The following CORO2A variants were observed in gnomAD, a reference collection of about 807,000 sequenced individuals.
CORO2A encodes the protein coronin-2A.
In CORO2A, 47 loss-of-function variants were observed where a neutral mutation model predicts 62.4. The ratio of observed to expected loss-of-function variants is 0.75; its 90% CI spans 0.60 to 0.96. CORO2A has a LOEUF of 0.96. Among genes scored for constraint, CORO2A ranks in the 40% least tolerant of loss-of-function variants. CORO2A has a pLI of 0.00. For missense variants in CORO2A, 610 were observed against 684.1 expected (o/e 0.89, Z 1.21); for synonymous variants, 273 against 268.9 (o/e 1.02, Z -0.15).
intron 6 of CORO2A, 45 bp from the exon 7 acceptor site, chr9:98,131,104 G>T (rs1827401460): frequency 1.5e-6 from 2 of 1,309,788 alleles, no homozygotes; most frequent in Non-Finnish European, 2.2e-6. Flanking sequence ...CACTCCTGGG[G>T]GCCCTCAGTG....
chr9:98,154,117 G>T (rs1252372684), intron 2 of CORO2A, among the ~76,000 whole-genome samples: 1 of 151,624 alleles, frequency 6.6e-6, no homozygotes, highest in Admixed American at 6.6e-5. Context: ...CTTCATGAGT[G>T]AGATTGATCA....
intron 1 of CORO2A, among the ~76,000 whole-genome samples, chr9:98,180,153 C>T (rs536530415): frequency 8.6e-4 from 131 of 152,336 alleles, no homozygotes; most frequent in Non-Finnish European, 1.6e-3. Context: ...ACCTACCTCC[C>T]TGCCCTTGGC....
intron 1 of CORO2A, among the ~76,000 whole-genome samples, chr9:98,185,863 C>A (rs1195718047): frequency 6.6e-6 from 1 of 152,246 alleles, no homozygotes; most frequent in Non-Finnish European, 1.5e-5. Context: ...GGCTGCATCC[C>A]TGGCAGCAGG....
chr9:98,162,707 T>C (rs1827902799), intron 1 of CORO2A, among the ~76,000 whole-genome samples: 1 of 152,206 alleles, frequency 6.6e-6, no homozygotes, highest in Non-Finnish European at 1.5e-5. Context: ...CTGTGTCGTT[T>C]TGTGGGTGTG....
chr9:98,146,773 G>A (rs553682968), intron 2 of CORO2A, among the ~76,000 whole-genome samples: 1 of 152,332 alleles, frequency 6.6e-6, no homozygotes, highest in East Asian at 1.9e-4. Context: ...GGTCCTCTGG[G>A]AAGTCATCTT....
At chr9:98,133,556 A>G (rs1391224083) in intron 4 of CORO2A, among the ~76,000 whole-genome samples, 2 of 152,182 alleles carry the variant, frequency 1.3e-5, no homozygotes, top group East Asian at 3.9e-4. Flanking sequence ...ACAGGGCTGT[A>G]TGTTTAGCTG....
chr9:98,134,097 G>A (rs7038728), intron 4 of CORO2A, among the ~76,000 whole-genome samples: 3,602 of 152,208 alleles, frequency 0.024, 148 homozygotes, highest in African/African-American at 0.081. Flanking sequence ...AGGTGTCTCT[G>A]TAAACCCCTA....
chr9:98,186,714 C>T (rs902962918), intron 1 of CORO2A, among the ~76,000 whole-genome samples: 2 of 152,078 alleles, frequency 1.3e-5, no homozygotes, highest in African/African-American at 4.8e-5. Context: ...AGTATGTACC[C>T]TATAGGTTGT....
chr9:98,161,010 T>C (rs1827878000), intron 1 of CORO2A, among the ~76,000 whole-genome samples: 1 of 152,198 alleles, frequency 6.6e-6, no homozygotes, highest in African/African-American at 2.4e-5. Flanking sequence ...GAACCATGTG[T>C]AGCAGAGCAC....
chr9:98,144,518 G>A (rs1827616503), intron 2 of CORO2A, among the ~76,000 whole-genome samples: 1 of 152,172 alleles, frequency 6.6e-6, no homozygotes, highest in South Asian at 2.1e-4. Flanking sequence ...GCAGGTGATG[G>A]CAGAGATGCG....
At chr9:98,152,301 T>C (rs1315475505) in intron 2 of CORO2A, among the ~76,000 whole-genome samples, 1 of 152,064 alleles carries the variant, frequency 6.6e-6, no homozygotes, top group Non-Finnish European at 1.5e-5. Context: ...TTTATTTTAT[T>C]TATTTTGAGA....
intron 2 of CORO2A, among the ~76,000 whole-genome samples, chr9:98,155,232 A>G (rs998090521): frequency 7.3e-5 from 11 of 151,640 alleles, no homozygotes; most frequent in Admixed American, 2.0e-4. Flanking sequence ...TTTTCGGTAC[A>G]TTTTATACAT....
At chr9:98,173,600 G>A (rs998484625) in intron 1 of CORO2A, among the ~76,000 whole-genome samples, 1 of 152,134 alleles carries the variant, frequency 6.6e-6, no homozygotes, top group Non-Finnish European at 1.5e-5. Flanking sequence ...GGAACTGGGC[G>A]TCCCAATCCT....
chr9:98,161,841 C>T (rs1185094686), intron 1 of CORO2A, among the ~76,000 whole-genome samples: 1 of 152,000 alleles, frequency 6.6e-6, no homozygotes, highest in East Asian at 1.9e-4. Context: ...GCCCTGGCCC[C>T]TTCCGGACCC....
chr9:98,130,908 C>T, intron 7 of CORO2A, 47 bp downstream of exon 7: 1 of 1,500,848 alleles, frequency 6.7e-7, no homozygotes, highest in Non-Finnish European at 9.2e-7. Context: ...CTGTCTGCCG[C>T]TGTCTCAGGG....
chr9:98,156,583 TTTG>T (rs1827805459), intron 2 of CORO2A, among the ~76,000 whole-genome samples: 1 of 152,222 alleles, frequency 6.6e-6, no homozygotes, highest in Non-Finnish European at 1.5e-5. Context: ...AGATTTATCT[TTTG>T]TTATTGATTT....
rs565500381 is a variant in CORO2A at position 98,132,934 on chromosome 9, C to T, written c.648+104G>A. 6.5e-4 allele frequency: 868 copies of T among 1,334,978 alleles called. 14 individuals carry two copies. The South Asian group carries it at 0.011, about 17-fold the overall frequency. 82.7% of individuals were successfully genotyped at this position (1,334,978 alleles called of 1,614,324 possible). A position where few individuals can be genotyped will look rare whatever the true frequency, so the allele number is the denominator to read the frequency against. ...GGGATGCTGCCTGTGAAGGCGCAGC[C>T]CAGACGCTGACAGCATCACTGTCCT... On this transcript the variant is annotated intron_variant, in intron 5 of 11. Transcript: ENST00000375077.
chr9:98,158,453 C>T (rs1217053757), intron 1 of CORO2A, among the ~76,000 whole-genome samples: 6 of 152,148 alleles, frequency 3.9e-5, no homozygotes, highest in African/African-American at 9.7e-5. Flanking sequence ...CTTTGCTCCT[C>T]GTCCAGCCTT....
chr9:98,132,325 A>G (rs774307659), intron 5 of CORO2A, 24 bp from the exon 6 acceptor site: 1 of 1,595,376 alleles, frequency 6.3e-7, no homozygotes, highest in Admixed American at 1.7e-5. Flanking sequence ...TGCGGTCGGT[A>G]TTGGAGAGAC....
Sources: allele counts gnomAD v4.1 joint callset (sites outside exome capture counted in the v4.1 genomes callset), GRCh38; gene constraint gnomAD v4.1.1; transcripts MANE v1.5; gene names NCBI Gene and HGNC (gene_info 2026-07-23, HGNC 2026-07-21).